The following NFRKB variants were observed in gnomAD, a reference collection of about 807,000 sequenced individuals.
NFRKB encodes nuclear factor related to kappa-B-binding protein.
NFRKB carries 62 observed loss-of-function variants against 135.7 expected under a neutral mutation model. The ratio of observed to expected loss-of-function variants is 0.46; its 90% confidence interval spans 0.37 to 0.56. The LOEUF (loss-of-function observed/expected upper bound fraction) is 0.56. NFRKB is among the 20% of genes least tolerant of loss of function. NFRKB has a pLI of 0.00. For missense variants in NFRKB, 1,545 were observed against 1,662.0 expected (o/e 0.93, Z 1.22); for synonymous variants, 678 against 635.6 (o/e 1.07, Z -1.00).
rs1296272003 is a variant in NFRKB, at chr11:129,885,502, G to A, written c.573C>T (p.Arg191=). Residue 191 remains arginine, a synonymous_variant, in exon 6 of 27, where the codon CGC becomes CGT. Transcript: ENST00000682444. The part of the protein sequence containing the change: ...PEEREWRTQQ[R]YLKVLREVKE... The stretch of plus-strand genomic sequence containing the variant: ...TCACTTCCCTTAAGACCTTCAAGTA[G>A]CGCTGCTGGGTCCGCCACTCCCGCT... The A allele has an allele frequency of 6.2e-7, 1 of 1,614,130 alleles. No individual in the cohort carries two copies. Among genetic ancestry groups the A allele is most frequent in the African/African-American group, 1.3e-5 (1 of 75,052 alleles).
At chr11:129,886,251 T>C (rs1320362990) in intron 5 of NFRKB, 66 bp downstream of exon 5, 17 of 1,549,692 alleles carry the variant, frequency 1.1e-5, no homozygotes, top group Middle Eastern at 1.7e-4. Context: ...TGCACCTGAA[T>C]TGCTTCTTGA....
intron 13 of NFRKB, among the ~76,000 whole-genome samples, chr11:129,881,179 C>A (rs1340644847): frequency 1.3e-5 from 2 of 152,158 alleles, no homozygotes; most frequent in South Asian, 2.1e-4. Flanking sequence ...AATACCCTTG[C>A]AGATTTAAAT....
chr11:129,883,061 G>C (rs1949105398), intron 9 of NFRKB, 61 bp downstream of exon 9: 1 of 1,484,688 alleles, frequency 6.7e-7, no homozygotes, highest in African/African-American at 1.4e-5. Flanking sequence ...GCCATGTTAT[G>C]GGCTCACGCA....
Position 129,892,858 on chromosome 11 carries a change from C to T in NFRKB, c.-9G>A, listed in dbSNP as rs768956681. Reference sequence around the variant, plus strand: ...TGGTCTAAGGAATCCATTGTTTCTTCTCCACAGGTACTCTGGACAAAGACA... The same window carrying T: ...TGGTCTAAGGAATCCATTGTTTCTTTTCCACAGGTACTCTGGACAAAGACA... On this transcript the variant is annotated 5_prime_UTR_variant, in exon 3 of 27. Coordinates refer to ENST00000682444, the MANE Select transcript of NFRKB (RefSeq NM_001143835.2). The T allele has an allele frequency of 1.3e-5, 21 of 1,614,196 alleles. No individual in the cohort carries two copies. Among genetic ancestry groups the T allele is most frequent in the South Asian group, 5.5e-5 (5 of 91,088 alleles).
At position 129,864,467 on chromosome 11, in the gene NFRKB, T is replaced by G; in HGVS notation, c.*258A>C. On this transcript the variant is annotated 3_prime_UTR_variant, in exon 27 of 27. Transcript: ENST00000682444. Reference sequence around the variant, plus strand: ...CTGGCTTGTTGGACGTAACTGGTAATTCCTGCAATTTCAACAGAATATTCT... The same window carrying G: ...CTGGCTTGTTGGACGTAACTGGTAAGTCCTGCAATTTCAACAGAATATTCT... 2 of 423,146 alleles carry G rather than the reference T, an allele frequency of 4.7e-6. No homozygotes were observed. The highest frequency in any genetic ancestry group is 8.6e-6 in the Non-Finnish European group (2 of 231,450). The allele number at this position is 423,146 out of a possible 1,614,324, so 26.2% of individuals were successfully genotyped here.
intron 23 of NFRKB, among the ~76,000 whole-genome samples, chr11:129,871,933 C>T (rs1948529189): frequency 6.6e-6 from 1 of 152,210 alleles, no homozygotes; most frequent in Admixed American, 6.5e-5. Context: ...CACCCTCACA[C>T]TTGCTCCCTA....
intron 3 of NFRKB, among the ~76,000 whole-genome samples, chr11:129,891,785 A>G (rs1233860123): frequency 6.6e-6 from 1 of 152,238 alleles, no homozygotes; most frequent in East Asian, 1.9e-4. Flanking sequence ...AATATCAGGG[A>G]ATGAAAGTGT....
intron 15 of NFRKB, 131 bp downstream of exon 15, chr11:129,878,178 G>T: frequency 1.1e-6 from 1 of 912,926 alleles, no homozygotes. Context: ...AAGTCAGGAA[G>T]AACCAGGGGA....
Position 129,888,674 on chromosome 11 carries a change from T to C in NFRKB, c.257A>G (p.Asn86Ser). The C allele has an allele frequency of 6.2e-7, 1 of 1,614,204 alleles. No homozygotes were observed. The highest frequency in any genetic ancestry group is 8.5e-7 in the Non-Finnish European group (1 of 1,180,026). ...ACTGAACAAGGCTAAGATGAGTTCA[T>C]TCTGCTGCTCAGCACTGTCTTCAGG... The part of the protein sequence containing the change: ...QFPEDSAEQQ[N>S]ELILALFSGE... Residue 86 changes from asparagine to serine, a missense_variant, in exon 4 of 27, where the codon AAT becomes AGT. Coordinates refer to ENST00000682444, the MANE Select transcript of NFRKB (RefSeq NM_001143835.2).
chr11:129,889,263 A>G (rs1018918722), intron 3 of NFRKB, among the ~76,000 whole-genome samples: 3 of 151,822 alleles, frequency 2.0e-5, no homozygotes, highest in African/African-American at 7.3e-5. Flanking sequence ...TGCCTGGCCT[A>G]AGATTTTTTA....
At position 129,895,256 on chromosome 11, in the gene NFRKB, C is replaced by A. The variant is rs74519930; in HGVS notation, c.-102+240G>T. The stretch of plus-strand genomic sequence containing the variant: ...CTCTGCAGCAAATTCCCCTCCGGTG[C>A]CAGCCCGGCTGGCCCAAGGCCCGGG... On this transcript the variant is annotated intron_variant, in intron 1 of 26. Transcript: ENST00000682444. Among the ~76,000 whole-genome samples, 1,082 of 152,322 alleles carry A rather than the reference C, an allele frequency of 7.1e-3. 4 individuals carry two copies. The highest frequency in any genetic ancestry group is 0.011 in the Non-Finnish European group (779 of 68,012).
chr11:129,875,437 T>G lies in NFRKB; in HGVS notation c.1774A>C (p.Asn592His). The change falls in exon 18 of 27, where the codon AAT (asparagine) becomes CAT (histidine). Residue 592 changes from asparagine to histidine, a missense_variant. Asn to His is a moderately conservative substitution (Grantham distance 68, BLOSUM62 1). Around this residue, in one of 3 missense-constraint regions of NFRKB, gnomAD observed 114 missense variants for 211.0 expected, o/e 0.54. Transcript: ENST00000682444. ...ATCTCTGCCCGTGTGCCTTCTCCATTAGGCAGTCGAGCCGCAGCGTCCCGA... is the reference window on the plus strand; with the variant it reads ...ATCTCTGCCCGTGTGCCTTCTCCATGAGGCAGTCGAGCCGCAGCGTCCCGA... ...LVRDAAARLP[N>H]GEGTRAEICE... 6.2e-7 allele frequency: 1 copy of G among 1,609,344 alleles called. No homozygotes were observed. Among genetic ancestry groups the G allele is most frequent in the Non-Finnish European group, 8.5e-7 (1 of 1,178,592 alleles).
intron 18 of NFRKB, 151 bp from the exon 19 acceptor site, chr11:129,875,067 T>A (rs984150428): frequency 2.0e-6 from 2 of 990,806 alleles, no homozygotes; most frequent in Non-Finnish European, 3.0e-6. Flanking sequence ...GTTCCCCAAA[T>A]CGTTTGACGA....
At chr11:129,883,089 G>A (rs1435420770) in intron 9 of NFRKB, 33 bp downstream of exon 9, 3 of 1,601,920 alleles carry the variant, frequency 1.9e-6, no homozygotes, top group South Asian at 1.1e-5. Flanking sequence ...ACCATAGTCA[G>A]ATGAAGGCTC....
rs555965174 is a variant in NFRKB, at chr11:129,868,554, C to T, written c.3531+940G>A. On this transcript the variant is annotated intron_variant, in intron 24 of 26. Coordinates refer to ENST00000682444, the MANE Select transcript of NFRKB (RefSeq NM_001143835.2). Reference sequence around the variant, plus strand: ...TCTCCATGTGCGCACCCCCAAGGCTCGCACTAGCACTCTCCGCTTCAGAAA... The same window carrying T: ...TCTCCATGTGCGCACCCCCAAGGCTTGCACTAGCACTCTCCGCTTCAGAAA... 9.2e-5 allele frequency among the ~76,000 whole-genome samples: 14 copies of T among 152,262 alleles called. No individual in the cohort carries two copies. In the East Asian group the frequency reaches 2.3e-3, roughly 25 times the overall value.
In NFRKB at chr11:129,881,548, G is replaced by A. The variant is rs749571351; in HGVS notation, c.1319-40C>T. ...CCACATAAACAAACCATACAGGTGCGTCCCTGAGCTCCGAAACAGCTTTTG... is the reference window on the plus strand; with the variant it reads ...CCACATAAACAAACCATACAGGTGCATCCCTGAGCTCCGAAACAGCTTTTG... On this transcript the variant is annotated intron_variant, in intron 12 of 26. Transcript: ENST00000682444. 2.7e-5 allele frequency: 44 copies of A among 1,610,918 alleles called. No individual in the cohort carries two copies. The South Asian group carries it at 3.6e-4, about 13-fold the overall frequency.
chr11:129,880,935 A>C (rs1050849110), intron 13 of NFRKB, among the ~76,000 whole-genome samples: 6 of 152,214 alleles, frequency 3.9e-5, no homozygotes, highest in Non-Finnish European at 7.3e-5. Context: ...CTCTCTTTTC[A>C]CCATCACCAG....
chr11:129,881,690 G>T (rs1172045504), intron 12 of NFRKB, 37 bp downstream of exon 12: 1 of 1,609,072 alleles, frequency 6.2e-7, no homozygotes, highest in Non-Finnish European at 8.5e-7. Flanking sequence ...AGACAAAAGG[G>T]GGAAAAATAC....
Position 129,873,044 on chromosome 11 carries a change from T to G in NFRKB, c.2603A>C (p.Gln868Pro), listed in dbSNP as rs1425732365. The G allele has an allele frequency of 1.2e-6, 2 of 1,613,846 alleles. No homozygotes were observed. The highest frequency in any genetic ancestry group is 1.7e-6 in the Non-Finnish European group (2 of 1,179,890). The change falls in exon 23 of 27, where the codon CAG (glutamine) becomes CCG (proline). Residue 868 changes from glutamine to proline, a missense_variant. By Grantham distance (76) the Gln-to-Pro change is moderately conservative. Transcript: ENST00000682444. ...VKAQTTAATVQRPGPGQTGLT... is the reference protein window; with the variant it reads ...VKAQTTAATVPRPGPGQTGLT... ...CCCTGTCTGCCCGGGTCCAGGCCGC[T>G]GCACAGTGGCTGCCGTAGTCTGCGC...
Sources: allele counts gnomAD v4.1 joint callset (sites outside exome capture counted in the v4.1 genomes callset), GRCh38; gene constraint gnomAD v4.1.1; regional missense constraint gnomAD v4.1.1; transcripts MANE v1.5; gene names NCBI Gene and HGNC (gene_info 2026-07-23, HGNC 2026-07-21).